Variants in ATF7IP observed in about 807,000 individuals in gnomAD.
The protein encoded by ATF7IP is activating transcription factor 7 interacting protein.
Under a neutral mutation model 106.4 loss-of-function variants are expected in ATF7IP, and 23 were observed. That is an observed-to-expected ratio of 0.22 (90% CI 0.16 to 0.31). The LOEUF is 0.31. ATF7IP is among the 10% of genes least tolerant of loss of function. ATF7IP has a pLI of 1.00. For synonymous variants in ATF7IP, 542 were observed against 539.0 expected, an observed-to-expected ratio of 1.01 and a Z score of -0.08; for missense variants, 1,334 against 1,524.3, an observed-to-expected ratio of 0.88 and a Z score of 2.08.
At chr12:14,405,001 G>A (rs1565485238) in intron 1 of ATF7IP, among the ~76,000 whole-genome samples, 1 of 152,076 alleles carries the variant, frequency 6.6e-6, no homozygotes, top group Non-Finnish European at 1.5e-5. Flanking sequence ...TTTTTTAATC[G>A]CTTTTAACAG....
chr12:14,455,992 TG>T (rs1565527344), intron 6 of ATF7IP, among the ~76,000 whole-genome samples: 1 of 152,160 alleles, frequency 6.6e-6, no homozygotes, highest in African/African-American at 2.4e-5. Context: ...TCCCTGGTTT[TG>T]GGGGGAAAGG....
At chr12:14,451,151 A>T (rs1943186625) in intron 6 of ATF7IP, among the ~76,000 whole-genome samples, 1 of 151,628 alleles carries the variant, frequency 6.6e-6, no homozygotes, top group South Asian at 2.1e-4. Flanking sequence ...TTAGGAATTT[A>T]TTTCTTCTAG....
intron 9 of ATF7IP, 121 bp downstream of exon 9, chr12:14,461,254 T>C: frequency 2.1e-6 from 2 of 942,352 alleles, no homozygotes; most frequent in Non-Finnish European, 3.0e-6. Flanking sequence ...AGAATTTTCT[T>C]GATTATTTTT....
At chr12:14,383,560 A>G (rs2136415457) in intron 1 of ATF7IP, among the ~76,000 whole-genome samples, 1 of 152,170 alleles carries the variant, frequency 6.6e-6, no homozygotes, top group Admixed American at 6.5e-5. Flanking sequence ...GTTTTTAATT[A>G]TAATTTTTTT....
intron 13 of ATF7IP, among the ~76,000 whole-genome samples, chr12:14,494,529 G>A (rs1944948196): frequency 6.9e-6 from 1 of 145,552 alleles, no homozygotes; most frequent in Non-Finnish European, 1.5e-5. Context: ...TATATATACA[G>A]TATATCTTAA....
In ATF7IP at chr12:14,456,566, A is replaced by G. The variant is rs778323907; in HGVS notation, c.2001A>G (p.Pro667=). The G allele has an allele frequency of 6.2e-7, 1 of 1,611,236 alleles. No homozygotes were observed. The highest frequency in any genetic ancestry group is 8.5e-7 in the Non-Finnish European group (1 of 1,178,680). ...KEDLKKRHEH[P]PNPPVSPGKT... Reference sequence around the variant, plus strand: ...GATTTTTTTTTCTCCCCCAGCATCCACCCAACCCACCAGTATCACCAGGAA... The same window carrying G: ...GATTTTTTTTTCTCCCCCAGCATCCGCCCAACCCACCAGTATCACCAGGAA... Residue 667 remains proline (P), a synonymous_variant, in exon 7 of 15, where the codon CCA becomes CCG. Coordinates refer to ENST00000261168, the MANE Select transcript of ATF7IP (RefSeq NM_018179.5).
intron 13 of ATF7IP, among the ~76,000 whole-genome samples, chr12:14,492,494 A>G (rs7304509): frequency 0.57 from 82,880 of 146,114 alleles, 23,092 homozygotes; most frequent in African/African-American, 0.67. Context: ...CTTGGTCTGT[A>G]AACTGGCTCA....
At chr12:14,480,329 C>T (rs1490247615) in intron 12 of ATF7IP, among the ~76,000 whole-genome samples, 1 of 152,042 alleles carries the variant, frequency 6.6e-6, no homozygotes, top group Non-Finnish European at 1.5e-5. Flanking sequence ...ATGTTTATGA[C>T]TCATTTTTTG....
At chr12:14,405,204 A>G (rs1940494566) in intron 1 of ATF7IP, among the ~76,000 whole-genome samples, 1 of 152,040 alleles carries the variant, frequency 6.6e-6, no homozygotes, top group African/African-American at 2.4e-5. Flanking sequence ...AGTTTCTTTG[A>G]AAGGTTTAAC....
intron 9 of ATF7IP, among the ~76,000 whole-genome samples, chr12:14,463,297 C>A (rs1356832293): frequency 1.3e-5 from 2 of 151,962 alleles, no homozygotes; most frequent in African/African-American, 4.8e-5. Flanking sequence ...TAAGTATATC[C>A]TTATGGATTT....
chr12:14,489,816 G>A (rs1944749509), intron 13 of ATF7IP, among the ~76,000 whole-genome samples: 1 of 152,188 alleles, frequency 6.6e-6, no homozygotes, highest in Non-Finnish European at 1.5e-5. Flanking sequence ...CTTGGTTAGA[G>A]TCAATGTTGT....
intron 1 of ATF7IP, among the ~76,000 whole-genome samples, chr12:14,378,998 A>G (rs1221959355): frequency 5.3e-5 from 8 of 152,194 alleles, no homozygotes; most frequent in Non-Finnish European, 1.2e-4. Context: ...TCTCGTACAC[A>G]ACTGTCATCC....
Position 14,442,672 on chromosome 12 carries a change from G to C in ATF7IP, c.1930-4316G>C, listed in dbSNP as rs535787865. Among the ~76,000 whole-genome samples, 4 of 152,148 alleles carry C rather than the reference G, an allele frequency of 2.6e-5. No individual in the cohort carries two copies. The South Asian group carries it at 8.3e-4, about 32-fold the overall frequency. On this transcript the variant is annotated intron_variant, in intron 5 of 14. Coordinates refer to ENST00000261168, the MANE Select transcript of ATF7IP (RefSeq NM_018179.5). Reference sequence around the variant, plus strand: ...AATATGTTTTAGTATAATTATCCAGGGACAATTTGTTCAGTTGAATACATC... The same window carrying C: ...AATATGTTTTAGTATAATTATCCAGCGACAATTTGTTCAGTTGAATACATC...
At chr12:14,402,541 A>C (rs1940301715) in intron 1 of ATF7IP, among the ~76,000 whole-genome samples, 1 of 151,778 alleles carries the variant, frequency 6.6e-6, no homozygotes, top group African/African-American at 2.4e-5. Flanking sequence ...TCTTAGCTCT[A>C]ATATTTCATA....
At chr12:14,439,740 T>C (rs1313076030) in intron 5 of ATF7IP, among the ~76,000 whole-genome samples, 1 of 151,976 alleles carries the variant, frequency 6.6e-6, no homozygotes, top group Non-Finnish European at 1.5e-5. Context: ...GGTTGAGGCA[T>C]GAGAATTGCT....
chr12:14,498,114 C>A lies in ATF7IP; in HGVS notation c.*41C>A. 6.6e-7 allele frequency: 1 copy of A among 1,512,194 alleles called. No individual in the cohort carries two copies. Among genetic ancestry groups the A allele is most frequent in the Non-Finnish European group, 8.9e-7 (1 of 1,128,888 alleles). 93.7% of individuals were successfully genotyped at this position (1,512,194 alleles called of 1,614,324 possible). ...TATTTTCCTCTTTTAAAATTTCCAC[C>A]TTTTGGTCTTGTTTTTAATCTTGTG... On this transcript the variant is annotated 3_prime_UTR_variant, in exon 15 of 15. Transcript: ENST00000261168.
chr12:14,456,721 T>C, intron 7 of ATF7IP, 87 bp downstream of exon 7: 1 of 939,212 alleles, frequency 1.1e-6, no homozygotes, highest in African/African-American at 1.7e-5. Flanking sequence ...AGTGTAATCA[T>C]GGTATTTATG....
intron 11 of ATF7IP, among the ~76,000 whole-genome samples, chr12:14,477,526 A>G (rs1485788538): frequency 6.6e-6 from 1 of 152,224 alleles, no homozygotes; most frequent in African/African-American, 2.4e-5. Flanking sequence ...GTAAAGTCCT[A>G]AAAGTTTGTT....
chr12:14,388,674 TCTCA>T (rs1939383129), intron 1 of ATF7IP, among the ~76,000 whole-genome samples: 1 of 152,040 alleles, frequency 6.6e-6, no homozygotes, highest in South Asian at 2.1e-4. Context: ...GGAGACAGAG[TCTCA>T]CTCTGTTTCT....
Sources: allele counts gnomAD v4.1 joint callset (sites outside exome capture counted in the v4.1 genomes callset), GRCh38; gene constraint gnomAD v4.1.1; transcripts MANE v1.5; gene names NCBI Gene and HGNC (gene_info 2026-07-23, HGNC 2026-07-21).